EZR: variants seen among roughly 807,000 people sequenced by gnomAD.
EZR encodes the protein ezrin.
EZR carries 40 observed loss-of-function variants against 74.8 expected under a neutral mutation model. The observed-to-expected ratio is 0.53, with a 90% CI of 0.42 to 0.70. The LOEUF is 0.70. EZR is among the 30% of genes least tolerant of loss of function. The probability of loss-of-function intolerance (pLI) is 0.00; values close to 1 mark genes in which losing one functional copy is unlikely to be tolerated. For missense variants in EZR, 678 were observed against 755.8 expected, an observed-to-expected ratio of 0.90 and a Z score of 1.21; for synonymous variants, 341 against 283.3, an observed-to-expected ratio of 1.20 and a Z score of -2.05.
intron 2 of EZR, among the ~76,000 whole-genome samples, chr6:158,817,041 T>C (rs941819297): frequency 1.3e-5 from 2 of 152,070 alleles, no homozygotes; most frequent in Admixed American, 1.3e-4. Context: ...GCCGAGATCA[T>C]GCCACTGCAC....
chr6:158,774,365 A>AC (rs1791205756), intron 8 of EZR, among the ~76,000 whole-genome samples: 1 of 152,126 alleles, frequency 6.6e-6, no homozygotes, highest in Non-Finnish European at 1.5e-5. Flanking sequence ...GATCCGGCTT[A>AC]GTTTTTAATC....
intron 7 of EZR, among the ~76,000 whole-genome samples, chr6:158,782,542 C>T (rs538282742): frequency 2.0e-5 from 3 of 152,304 alleles, no homozygotes; most frequent in South Asian, 4.2e-4. Context: ...CTGCTCTTTA[C>T]GTGGAAAGCA....
intron 2 of EZR, among the ~76,000 whole-genome samples, chr6:158,793,242 T>A (rs1174334265): frequency 6.6e-6 from 1 of 151,408 alleles, no homozygotes; most frequent in Non-Finnish European, 1.5e-5. Flanking sequence ...GATCCTCTTT[T>A]AAAAAAATAA....
At position 158,776,518 on chromosome 6, in the gene EZR, G is replaced by A; in HGVS notation, c.699-14C>T. The A allele has an allele frequency of 1.9e-6, 3 of 1,582,246 alleles. No individual in the cohort carries two copies. Among genetic ancestry groups the A allele is most frequent in the Non-Finnish European group, 2.6e-6 (3 of 1,155,360 alleles). On this transcript the variant is annotated splice_polypyrimidine_tract_variant and intron_variant, in intron 7 of 13. Transcript: ENST00000367075. ...TTTGGGGTTAACCTGAGGTTAAAAA[G>A]AAGAAGTGGATGGTTAGATGTATAC... is the stretch of plus-strand genomic sequence containing the variant.
At chr6:158,792,052 A>T (rs762095002) in intron 2 of EZR, among the ~76,000 whole-genome samples, 22 of 152,110 alleles carry the variant, frequency 1.4e-4, no homozygotes, top group Non-Finnish European at 2.1e-4. Context: ...GTTTGAAGAC[A>T]GTGTGAAAAT....
chr6:158,814,198 AAT>A (rs780231834), intron 2 of EZR, among the ~76,000 whole-genome samples: 19 of 152,288 alleles, frequency 1.2e-4, no homozygotes, highest in Non-Finnish European at 2.6e-4. Flanking sequence ...GTCACACATG[AAT>A]AGAGTCCCTA....
chr6:158,769,339 T>G lies in EZR; in HGVS notation c.1331A>C (p.Glu444Ala), dbSNP rs571956890. ...GTGCAGACTCACCCTGTGCTGCCAC[T>G]CTTCAACTTCATCCTCCTTGCGCCT... ...ARRRKEDEVE[E>A]WQHRAKEAQD... Residue 444 changes from glutamate to alanine, a missense_variant, in exon 12 of 14, where the codon GAG (glutamate) becomes GCG (alanine). Glu to Ala is a moderately radical substitution (Grantham distance 107). Around this residue, in one of 3 missense-constraint regions of EZR, gnomAD observed 342 missense variants for 341.2 expected, o/e 1.00. Transcript: ENST00000367075. 11 of 1,609,794 alleles carry G rather than the reference T, an allele frequency of 6.8e-6. No homozygotes were observed. The Middle Eastern group carries it at 1.2e-3, about 169-fold the overall frequency.
At chr6:158,795,857 G>T (rs576490361) in intron 2 of EZR, among the ~76,000 whole-genome samples, 1 of 152,352 alleles carries the variant, frequency 6.6e-6, no homozygotes, top group East Asian at 1.9e-4. Flanking sequence ...ACGGGAGACA[G>T]AGGGCCTGGG....
chr6:158,818,020 G>C, intron 2 of EZR, 62 bp downstream of exon 2: 3 of 1,557,692 alleles, frequency 1.9e-6, no homozygotes, highest in Non-Finnish European at 1.8e-6. Flanking sequence ...ACCTCGAGCA[G>C]GTGCCTCCCC....
chr6:158,814,466 G>A (rs936700886), intron 2 of EZR, among the ~76,000 whole-genome samples: 3 of 151,828 alleles, frequency 2.0e-5, no homozygotes, highest in African/African-American at 7.3e-5. Flanking sequence ...CTTGGCCCAG[G>A]TACCAGACAC....
chr6:158,777,834 G>T (rs1791323282), intron 7 of EZR, among the ~76,000 whole-genome samples: 1 of 152,172 alleles, frequency 6.6e-6, no homozygotes, highest in South Asian at 2.1e-4. Context: ...ACACTGGCCA[G>T]ACCATGGTTC....
At chr6:158,770,589 A>T (rs772076586) in intron 10 of EZR, among the ~76,000 whole-genome samples, 175 bp downstream of exon 10, 1 of 152,204 alleles carries the variant, frequency 6.6e-6, no homozygotes, top group Non-Finnish European at 1.5e-5. Context: ...TCAAAGTTAA[A>T]TAAGTACAGA....
chr6:158,789,996 AC>A (rs1791692796), intron 2 of EZR, among the ~76,000 whole-genome samples: 1 of 152,186 alleles, frequency 6.6e-6, no homozygotes, highest in African/African-American at 2.4e-5. Context: ...GAGCCTTACG[AC>A]AGCCAAGGGA....
At chr6:158,772,138 A>G (rs1045785822) in intron 8 of EZR, among the ~76,000 whole-genome samples, 2 of 152,208 alleles carry the variant, frequency 1.3e-5, no homozygotes, top group African/African-American at 2.4e-5. Context: ...CCGCAGTGGC[A>G]CTGTCACTTC....
rs1334300130 is a variant in EZR at position 158,785,491 on chromosome 6, C to T, written c.285G>A (p.Gln95=). The change falls in exon 5 of 14, where the codon CAG becomes CAA. Residue 95 remains glutamine (Q), a synonymous_variant. Coordinates refer to ENST00000367075, the MANE Select transcript of EZR (RefSeq NM_001111077.2). ...GGAAGAAAAGTTTCTGGGTGATGTC[C>T]TGGATGAGCTCCTCAGCCACATCTT... ...YPEDVAEELI[Q]DITQKLFFLQ... 1.2e-6 allele frequency: 2 copies of T among 1,614,054 alleles called. No homozygotes were observed. Among genetic ancestry groups the T allele is most frequent in the East Asian group, 4.5e-5 (2 of 44,894 alleles).
intron 4 of EZR, 88 bp from the exon 5 acceptor site, chr6:158,785,671 G>T: frequency 1.3e-6 from 2 of 1,495,100 alleles, no homozygotes; most frequent in Non-Finnish European, 1.8e-6. Context: ...AGACTCAATG[G>T]GGCCCTCAAG....
intron 2 of EZR, among the ~76,000 whole-genome samples, chr6:158,792,867 A>G (rs1791782061): frequency 6.6e-6 from 1 of 150,520 alleles, no homozygotes; most frequent in African/African-American, 2.4e-5. Flanking sequence ...CAACAAATCT[A>G]CACCTCCTAA....
chr6:158,806,695 T>A (rs1476252242), intron 2 of EZR, among the ~76,000 whole-genome samples: 1 of 152,226 alleles, frequency 6.6e-6, no homozygotes, highest in Non-Finnish European at 1.5e-5. Context: ...GTTGATTTGT[T>A]CAAGTTATAT....
Position 158,784,646 on chromosome 6 carries a change from G to C in EZR, c.549C>G (p.Leu183=). 1 of 1,613,878 alleles carries C rather than the reference G, an allele frequency of 6.2e-7. No homozygotes were observed. Among genetic ancestry groups the C allele is most frequent in the Non-Finnish European group, 8.5e-7 (1 of 1,179,762 alleles). Residue 183 remains leucine, a splice_region_variant and synonymous_variant, in exon 6 of 14, where the codon CTC becomes CTG. Transcript: ENST00000367075. The part of the protein sequence containing the change: ...QVWHAEHRGM[L]KDNAMLEYLK... Reference sequence around the variant, plus strand: ...CAACAGCAGGGCACAGCACTCACTTGAGCATCCCACGGTGTTCCGCATGCC... The same window carrying C: ...CAACAGCAGGGCACAGCACTCACTTCAGCATCCCACGGTGTTCCGCATGCC...
Sources: allele counts gnomAD v4.1 joint callset (sites outside exome capture counted in the v4.1 genomes callset), GRCh38; gene constraint gnomAD v4.1.1; regional missense constraint gnomAD v4.1.1; transcripts MANE v1.5; gene names NCBI Gene and HGNC (gene_info 2026-07-23, HGNC 2026-07-21).